The following DPP10 variants were observed in gnomAD, a reference collection of about 807,000 sequenced individuals.
DPP10 encodes the protein dipeptidyl peptidase like 10.
Under a neutral mutation model 120.9 loss-of-function variants are expected in DPP10, and 33 were observed. The ratio of observed to expected loss-of-function variants is 0.27; its 90% CI spans 0.21 to 0.37. The LOEUF is 0.37. Ranked by LOEUF, DPP10 falls within the 10% of genes least tolerant of loss-of-function variation. The pLI is 1.00. For synonymous variants in DPP10, 337 were observed against 326.1 expected (o/e 1.03, Z -0.36); for missense variants, 816 against 942.8 (o/e 0.87, Z 1.76).
At chr2:115,496,932 G>C (rs909700169) in intron 3 of DPP10, among the ~76,000 whole-genome samples, 2 of 151,944 alleles carry the variant, frequency 1.3e-5, no homozygotes, top group Admixed American at 1.3e-4. Context: ...GGTTGGGGGG[G>C]ATGCAATTAT....
chr2:115,645,974 C>A (rs375079983), intron 5 of DPP10, among the ~76,000 whole-genome samples: 2 of 152,018 alleles, frequency 1.3e-5, no homozygotes, highest in East Asian at 3.9e-4. Flanking sequence ...TATCATAAGG[C>A]GTTATGTTTT....
At chr2:114,766,467 T>G (rs1350741776) in intron 1 of DPP10, among the ~76,000 whole-genome samples, 1 of 152,194 alleles carries the variant, frequency 6.6e-6, no homozygotes, top group Non-Finnish European at 1.5e-5. Context: ...AATGAACTTT[T>G]ATTCACACAA....
chr2:115,060,373 A>C (rs1706308403), intron 1 of DPP10, among the ~76,000 whole-genome samples: 1 of 152,108 alleles, frequency 6.6e-6, no homozygotes, highest in Non-Finnish European at 1.5e-5. Flanking sequence ...CAGGTGGATC[A>C]CTTTAGCCCA....
At chr2:115,332,862 G>T (rs2062841313) in intron 2 of DPP10, among the ~76,000 whole-genome samples, 1 of 152,104 alleles carries the variant, frequency 6.6e-6, no homozygotes, top group Non-Finnish European at 1.5e-5. Context: ...GTCAATTTTG[G>T]AATCGGTGTG....
chr2:114,728,406 A>G (rs554665181), intron 1 of DPP10, among the ~76,000 whole-genome samples: 2 of 152,174 alleles, frequency 1.3e-5, no homozygotes, highest in Admixed American at 6.5e-5. Context: ...GACCCTGGGA[A>G]ACTGACATTA....
chr2:114,767,149 C>A (rs1323372716), intron 1 of DPP10, among the ~76,000 whole-genome samples: 14 of 53,952 alleles, frequency 2.6e-4, no homozygotes, highest in South Asian at 1.4e-3. Flanking sequence ...AAAACAACAA[C>A]AACACACCGA....
At chr2:115,646,693 G>T (rs1390244665) in intron 5 of DPP10, among the ~76,000 whole-genome samples, 1 of 152,102 alleles carries the variant, frequency 6.6e-6, no homozygotes, top group Non-Finnish European at 1.5e-5. Context: ...AGATTATTTA[G>T]TTTGGGCAGG....
intron 1 of DPP10, among the ~76,000 whole-genome samples, chr2:114,921,775 G>T (rs2106636548): frequency 6.6e-6 from 1 of 152,242 alleles, no homozygotes; most frequent in South Asian, 2.1e-4. Context: ...GTCTATTATG[G>T]CTGTATCCAA....
At chr2:114,763,275 T>C (rs1373092955) in intron 1 of DPP10, among the ~76,000 whole-genome samples, 1 of 152,182 alleles carries the variant, frequency 6.6e-6, no homozygotes, top group Non-Finnish European at 1.5e-5. Context: ...TGTGTCACGC[T>C]AAGGGACTTG....
chr2:115,012,331 A>T (rs1468306716), intron 1 of DPP10, among the ~76,000 whole-genome samples: 1 of 152,162 alleles, frequency 6.6e-6, no homozygotes, highest in Non-Finnish European at 1.5e-5. Flanking sequence ...AGGACCACAG[A>T]TAATGGGCTC....
chr2:115,111,970 C>A (rs1291395661), intron 1 of DPP10, among the ~76,000 whole-genome samples: 2 of 152,174 alleles, frequency 1.3e-5, no homozygotes, highest in Non-Finnish European at 2.9e-5. Flanking sequence ...TTTACTTTTT[C>A]TCTCTATGGA....
At chr2:115,104,799 A>G (rs2048868260) in intron 1 of DPP10, among the ~76,000 whole-genome samples, 1 of 152,184 alleles carries the variant, frequency 6.6e-6, no homozygotes, top group Non-Finnish European at 1.5e-5. Context: ...CGAGGTCAAG[A>G]GATTGAGACC....
chr2:115,753,907 T>C (rs1455021952), intron 11 of DPP10, among the ~76,000 whole-genome samples: 1 of 152,156 alleles, frequency 6.6e-6, no homozygotes, highest in African/African-American at 2.4e-5. Flanking sequence ...GGTATTTGGG[T>C]AAAGCGTTTT....
At chr2:115,486,909 G>A (rs930051623) in intron 3 of DPP10, among the ~76,000 whole-genome samples, 1 of 151,946 alleles carries the variant, frequency 6.6e-6, no homozygotes, top group East Asian at 1.9e-4. Context: ...CTTTATCACA[G>A]GAAGTACCAT....
At chr2:115,272,468 T>A (rs911843986) in intron 1 of DPP10, among the ~76,000 whole-genome samples, 1 of 152,354 alleles carries the variant, frequency 6.6e-6, no homozygotes, top group African/African-American at 2.4e-5. Context: ...AAATAGTCTT[T>A]ACCTTGAGCC....
At chr2:115,133,520 T>C (rs2050490869) in intron 1 of DPP10, among the ~76,000 whole-genome samples, 7 of 152,010 alleles carry the variant, frequency 4.6e-5, no homozygotes, top group Admixed American at 4.6e-4. Flanking sequence ...GAAAGATAAA[T>C]GAAAATAACA....
intron 1 of DPP10, among the ~76,000 whole-genome samples, chr2:115,116,483 CATGATCCTA>C (rs1181431427): frequency 1.3e-5 from 2 of 152,086 alleles, no homozygotes; most frequent in Non-Finnish European, 2.9e-5. Flanking sequence ...ATAGGTCTGC[CATGATCCTA>C]ATCTTAATTT....
chr2:115,195,658 C>T (rs993143278), intron 1 of DPP10, among the ~76,000 whole-genome samples: 2 of 152,056 alleles, frequency 1.3e-5, no homozygotes, highest in African/African-American at 4.8e-5. Context: ...AGATAACGAA[C>T]CAAACTTGTG....
At chr2:115,154,080 C>T (rs1312326546) in intron 1 of DPP10, among the ~76,000 whole-genome samples, 1 of 152,084 alleles carries the variant, frequency 6.6e-6, no homozygotes, top group Admixed American at 6.6e-5. Flanking sequence ...TTAGAAATTT[C>T]TATTGACTTT....
Sources: allele counts gnomAD v4.1 joint callset (sites outside exome capture counted in the v4.1 genomes callset), GRCh38; gene constraint gnomAD v4.1.1; transcripts MANE v1.5; gene names NCBI Gene and HGNC (gene_info 2026-07-23, HGNC 2026-07-21).